The following CYP4X1 variants were observed in gnomAD, a reference collection of about 807,000 sequenced individuals.
CYP4X1 encodes cytochrome P450 family 4 subfamily X member 1, also known as cytochrome P450 4X1.
CYP4X1 carries 44 observed loss-of-function variants against 57.9 expected under a neutral mutation model. The observed-to-expected ratio is 0.76, with a 90% CI of 0.60 to 0.98. The LOEUF (loss-of-function observed/expected upper bound fraction) is 0.98. CYP4X1 is among the 50% of genes least tolerant of loss of function. The pLI is 0.00. For missense variants in CYP4X1, 532 were observed against 623.9 expected (o/e 0.85, Z 1.57); for synonymous variants, 227 against 228.6 (o/e 0.99, Z 0.06).
intron 1 of CYP4X1, among the ~76,000 whole-genome samples, chr1:47,029,356 C>T (rs1183903507): frequency 6.6e-6 from 1 of 152,194 alleles, no homozygotes; most frequent in Non-Finnish European, 1.5e-5. Context: ...GTAGTATTTG[C>T]ACTCTCATTT....
downstream of CYP4X1, among the ~76,000 whole-genome samples, chr1:47,053,480 G>A (rs1299440412): frequency 6.6e-6 from 1 of 152,136 alleles, no homozygotes; most frequent in Non-Finnish European, 1.5e-5. Context: ...CTAGATCCCT[G>A]AGGAATCGCC....
chr1:47,049,391 G>A (rs768710833), intron 10 of CYP4X1, 31 bp from the exon 11 acceptor site: 2 of 1,561,444 alleles, frequency 1.3e-6, no homozygotes, highest in South Asian at 1.1e-5. Flanking sequence ...GTTGTTTGGG[G>A]GATGGTGTTG....
At chr1:47,023,632 G>A, upstream of CYP4X1, 3 of 1,326,922 alleles carry the variant, frequency 2.3e-6, no homozygotes, top group Non-Finnish European at 1.9e-6. Context: ...CCGCACGCGC[G>A]CCTGCCTCCT....
chr1:47,006,719 G>T, the CYP4X1 span, among the ~76,000 whole-genome samples: 1 of 152,100 alleles, frequency 6.6e-6, no homozygotes, highest in Admixed American at 6.6e-5. Context: ...TGGAAAATTG[G>T]GTCACACACA....
At chr1:46,964,990 G>T in the CYP4X1 span, among the ~76,000 whole-genome samples, 1 of 152,198 alleles carries the variant, frequency 6.6e-6, no homozygotes, top group Admixed American at 6.5e-5. Flanking sequence ...ATCTCAGACT[G>T]CTGTGCTAGC....
At chr1:47,016,824 A>C in the CYP4X1 span, among the ~76,000 whole-genome samples, 1 of 152,226 alleles carries the variant, frequency 6.6e-6, no homozygotes, top group African/African-American at 2.4e-5. Flanking sequence ...GCTATTAAAT[A>C]CTAGGTCTTA....
At chr1:47,028,266 A>C (rs911130331) in intron 1 of CYP4X1, among the ~76,000 whole-genome samples, 8 of 152,118 alleles carry the variant, frequency 5.3e-5, no homozygotes, top group African/African-American at 1.9e-4. Flanking sequence ...TCCAGAGTTA[A>C]ACTGGAGTTT....
the CYP4X1 span, among the ~76,000 whole-genome samples, chr1:46,991,968 C>T: frequency 6.6e-6 from 1 of 152,118 alleles, no homozygotes; most frequent in Non-Finnish European, 1.5e-5. Flanking sequence ...ACTCAACAGA[C>T]GTTATCATCC....
rs1644218741 is a variant in CYP4X1 at position 47,039,262 on chromosome 1, C to G, written c.883-80C>G. On this transcript the variant is annotated intron_variant, in intron 7 of 11. Transcript: ENST00000371901. Reference sequence around the variant, plus strand: ...CCTATTTAAAGCTCTGATTTTTCCCCTCAAATCATTATTGTGGTTGTATCT... The same window carrying G: ...CCTATTTAAAGCTCTGATTTTTCCCGTCAAATCATTATTGTGGTTGTATCT... 7 of 1,317,056 alleles carry G rather than the reference C, an allele frequency of 5.3e-6. No individual in the cohort carries two copies. In the East Asian group the frequency reaches 1.7e-4, roughly 33 times the overall value. The allele number at this position is 1,317,056 out of a possible 1,614,324, so 81.6% of individuals were successfully genotyped here.
At chr1:47,012,575 A>C in the CYP4X1 span, among the ~76,000 whole-genome samples, 1 of 152,202 alleles carries the variant, frequency 6.6e-6, no homozygotes, top group East Asian at 1.9e-4. Flanking sequence ...AAAACTATCG[A>C]TATTCAAAGA....
rs114204376 is a variant in CYP4X1, at chr1:47,027,746, A to T, written c.178-2244A>T. 9.3e-3 allele frequency among the ~76,000 whole-genome samples: 1,409 copies of T among 152,292 alleles called. 22 individuals carry two copies. The highest frequency in any genetic ancestry group is 0.032 in the African/African-American group (1,350 of 41,564). On this transcript the variant is annotated intron_variant, in intron 1 of 11. Transcript: ENST00000371901. ...TCCTCCCTTGGAGCTTTGAACATGC[A>T]CGTCTGTGGTTATATTGCTCTCCCT...
the CYP4X1 span, among the ~76,000 whole-genome samples, chr1:47,011,083 A>C: frequency 6.6e-6 from 1 of 152,218 alleles, no homozygotes; most frequent in African/African-American, 2.4e-5. Context: ...GAACCAAAAA[A>C]CAGCCCGCAT....
intron 4 of CYP4X1, among the ~76,000 whole-genome samples, chr1:47,034,488 CACAA>C (rs937947439): frequency 1.2e-4 from 18 of 152,250 alleles, no homozygotes; most frequent in African/African-American, 3.9e-4. Context: ...CCTCAAACAC[CACAA>C]ACAAAGACAA....
At position 47,023,696 on chromosome 1, in the gene CYP4X1, G is replaced by C; in HGVS notation, c.-122G>C. 6.9e-7 allele frequency: 1 copy of C among 1,443,512 alleles called. No individual in the cohort carries two copies. The highest frequency in any genetic ancestry group is 2.5e-5 in the East Asian group (1 of 39,636). The allele number at this position is 1,443,512 out of a possible 1,614,324, so 89.4% of individuals were successfully genotyped here. A position where few individuals can be genotyped will look rare whatever the true frequency, so the allele number is the denominator to read the frequency against. ...TGCCTTTCCTTCTTCCCGCGAGTCAGAAGCTTCGCGAGGGCCCAGAGAGGC... is the reference window on the plus strand; with the variant it reads ...TGCCTTTCCTTCTTCCCGCGAGTCACAAGCTTCGCGAGGGCCCAGAGAGGC... On this transcript the variant is annotated 5_prime_UTR_variant, in exon 1 of 12. Coordinates refer to ENST00000371901, the MANE Select transcript of CYP4X1 (RefSeq NM_178033.2).
the CYP4X1 span, among the ~76,000 whole-genome samples, chr1:47,014,460 C>A: frequency 1.1e-4 from 17 of 152,294 alleles, no homozygotes; most frequent in African/African-American, 4.1e-4. Flanking sequence ...CATTCCAACT[C>A]TCCTTTCACA....
intron 7 of CYP4X1, among the ~76,000 whole-genome samples, chr1:47,038,976 C>T (rs781347381): frequency 2.0e-5 from 3 of 152,044 alleles, no homozygotes; most frequent in Admixed American, 1.3e-4. Context: ...ACTAAACGAA[C>T]GATTTGACAA....
chr1:47,041,030 A>G (rs1228854760), intron 8 of CYP4X1, among the ~76,000 whole-genome samples: 1 of 152,044 alleles, frequency 6.6e-6, no homozygotes, highest in Non-Finnish European at 1.5e-5. Context: ...CACATGTGAG[A>G]TCATGTGGAA....
chr1:46,992,150 T>A, the CYP4X1 span, among the ~76,000 whole-genome samples: 1 of 152,170 alleles, frequency 6.6e-6, no homozygotes, highest in Middle Eastern at 3.2e-3. Context: ...CTACTAAAAA[T>A]TTTTTAAAAA....
At chr1:46,961,856 C>A in the CYP4X1 span, 2 of 1,062,088 alleles carry the variant, frequency 1.9e-6, no homozygotes, top group Non-Finnish European at 2.5e-6. Context: ...ATCAAACAGA[C>A]AACCTGGCCT....
Sources: gnomAD v4.1 joint callset for allele counts (sites outside exome capture counted in the v4.1 genomes callset) on GRCh38, gnomAD v4.1.1 for gene constraint, MANE v1.5 for transcripts, NCBI Gene and HGNC (gene_info 2026-07-23, HGNC 2026-07-21) for gene names.